Variants in DCD observed in about 807,000 individuals in gnomAD.
The protein encoded by DCD is dermcidin.
Under a neutral mutation model 14.5 loss-of-function variants are expected in DCD, and 17 were observed. That is an observed-to-expected ratio of 1.18 (90% CI 0.81 to 1.76). The LOEUF is 1.76. Among genes scored for constraint, DCD ranks in the 40% most tolerant of loss-of-function variants. DCD has a pLI of 0.00. For missense variants in DCD, 139 were observed against 133.4 expected (o/e 1.04, Z -0.21); for synonymous variants, 64 against 54.0 (o/e 1.19, Z -0.82).
intron 3 of DCD, 98 bp from the exon 4 acceptor site, chr12:54,645,360 A>T: frequency 8.0e-7 from 1 of 1,250,030 alleles, no homozygotes; most frequent in South Asian, 1.2e-5. Context: ...GGCACCCCTA[A>T]GGTGAAGTGG....
At chr12:54,646,626 A>T (rs1958263370) in intron 2 of DCD, among the ~76,000 whole-genome samples, 1 of 152,148 alleles carries the variant, frequency 6.6e-6, no homozygotes, top group African/African-American at 2.4e-5. Flanking sequence ...ATGCTGTCTG[A>T]TGAAACAAAT....
intron 2 of DCD, 108 bp from the exon 3 acceptor site, chr12:54,645,815 C>G (rs1958256105): frequency 2.5e-6 from 2 of 806,110 alleles, no homozygotes; most frequent in South Asian, 1.6e-5. Context: ...GAGGATAGCT[C>G]CCTCTCTCCC....
At chr12:54,645,091 G>A in intron 4 of DCD, 82 bp downstream of exon 4, 5 of 1,521,564 alleles carry the variant, frequency 3.3e-6, no homozygotes, top group East Asian at 2.3e-5. Flanking sequence ...TCTTCAATGG[G>A]GGGGCTGTGG....
At chr12:54,645,917 C>T (rs749069159) in intron 2 of DCD, 7 of 582,778 alleles carry the variant, frequency 1.2e-5, no homozygotes, top group Non-Finnish European at 1.9e-5. Context: ...TCCTGCTCCT[C>T]CAGGGCCCTT....
At position 54,645,712 on chromosome 12, in the gene DCD, A is replaced by G; in HGVS notation, c.98-5T>C. The G allele has an allele frequency of 6.2e-7, 1 of 1,612,972 alleles. No individual in the cohort carries two copies. Among genetic ancestry groups the G allele is most frequent in the African/African-American group, 1.3e-5 (1 of 75,006 alleles). ...CTGCTGATGCTTCATGGCAAGCTGC[A>G]AGGGTAAGGGAGTGAGAGGAATAAT... On this transcript the variant is annotated splice_region_variant and splice_polypyrimidine_tract_variant and intron_variant, in intron 2 of 4. Transcript: ENST00000293371.
intron 1 of DCD, among the ~76,000 whole-genome samples, chr12:54,647,684 A>G (rs1024775957): frequency 6.6e-6 from 1 of 152,206 alleles, no homozygotes; most frequent in Admixed American, 6.5e-5. Context: ...CTGACAGTCA[A>G]TGGGGGATTT....
intron 4 of DCD, 69 bp downstream of exon 4, chr12:54,645,104 G>T: frequency 6.4e-7 from 1 of 1,556,086 alleles, no homozygotes; most frequent in Non-Finnish European, 8.9e-7. Flanking sequence ...GGCTGTGGCA[G>T]TTTCAGATCT....
At position 54,644,681 on chromosome 12, in the gene DCD, C is replaced by G. The variant is rs778115220; in HGVS notation, c.*32G>C. 1.4e-6 allele frequency: 2 copies of G among 1,398,876 alleles called. No homozygotes were observed. The highest frequency in any genetic ancestry group is 2.0e-6 in the Non-Finnish European group (2 of 994,430). 86.7% of individuals were successfully genotyped at this position (1,398,876 alleles called of 1,614,324 possible). ...GGCTGAAGACGTAAAGCCTGCTGCT[C>G]CTGGGTATCATTTCTCAGCTTCTCC... On this transcript the variant is annotated 3_prime_UTR_variant, in exon 5 of 5. Coordinates refer to ENST00000293371, the MANE Select transcript of DCD (RefSeq NM_053283.4).
At chr12:54,648,190 A>C in intron 1 of DCD, 56 bp downstream of exon 1, 82 of 1,530,430 alleles carry the variant, frequency 5.4e-5, no homozygotes, top group Non-Finnish European at 6.3e-5. Context: ...AAATGAAGGC[A>C]GGGCCCAGTC....
rs1034126830 is a variant in DCD at position 54,645,292 on chromosome 12, T to C, written c.200-30A>G. On this transcript the variant is annotated intron_variant, in intron 3 of 4. Coordinates refer to ENST00000293371, the MANE Select transcript of DCD (RefSeq NM_053283.4). ...GGTGGATTCAGAAAAGAAGAGGTCA[T>C]AGAAGCAGAAAAACTACTTCCTTTG... 6 of 1,603,096 alleles carry C rather than the reference T, an allele frequency of 3.7e-6. No homozygotes were observed. In the African/African-American group the frequency reaches 4.0e-5, roughly 11 times the overall value.
chr12:54,644,965 G>A (rs1457907521), intron 4 of DCD: 35 of 1,546,666 alleles, frequency 2.3e-5, no homozygotes, highest in Non-Finnish European at 3.0e-5. Flanking sequence ...GGGGCAGGGG[G>A]CAAGAGCAAT....
chr12:54,647,122 G>A lies in DCD; in HGVS notation c.96C>T (p.Asn32=). ...GCAGGAGGAAGAGAAAGGACTCACG[G>A]TTCCCCGATCCTGGGGCAGAGGCGG... The part of the protein sequence containing the change: ...PEAASAPGSG[N]PCHEASAAQK... Residue 32 remains asparagine, a splice_region_variant and synonymous_variant, in exon 2 of 5, where the codon AAC becomes AAT. Transcript: ENST00000293371. The A allele has an allele frequency of 6.4e-7, 1 of 1,558,664 alleles. No individual in the cohort carries two copies. The highest frequency in any genetic ancestry group is 8.7e-7 in the Non-Finnish European group (1 of 1,150,424).
In DCD at chr12:54,644,670, A is replaced by T; in HGVS notation, c.*43T>A. On this transcript the variant is annotated 3_prime_UTR_variant, in exon 5 of 5. Transcript: ENST00000293371. The stretch of plus-strand genomic sequence containing the variant: ...TTTAGGTTTTAGGCTGAAGACGTAA[A>T]GCCTGCTGCTCCTGGGTATCATTTC... 1 of 1,330,088 alleles carries T rather than the reference A, an allele frequency of 7.5e-7. No homozygotes were observed. Among genetic ancestry groups the T allele is most frequent in the Non-Finnish European group, 1.1e-6 (1 of 934,666 alleles). The allele number at this position is 1,330,088 out of a possible 1,614,324, so 82.4% of individuals were successfully genotyped here.
In DCD at chr12:54,644,876, G is replaced by A. The variant is rs938273257; in HGVS notation, c.290-120C>T. 3.2e-6 allele frequency: 5 copies of A among 1,550,944 alleles called. No individual in the cohort carries two copies. In the African/African-American group the frequency reaches 5.5e-5, roughly 17 times the overall value. On this transcript the variant is annotated intron_variant, in intron 4 of 4. Coordinates refer to ENST00000293371, the MANE Select transcript of DCD (RefSeq NM_053283.4). ...GGGGAAGGGGAAGGGAGGCCTGGAGGTGCTTACACAGAAGTCAGAGGGATG... is the reference window on the plus strand; with the variant it reads ...GGGGAAGGGGAAGGGAGGCCTGGAGATGCTTACACAGAAGTCAGAGGGATG...
intron 4 of DCD, 55 bp downstream of exon 4, chr12:54,645,118 G>T: frequency 6.3e-7 from 1 of 1,578,822 alleles, no homozygotes; most frequent in Non-Finnish European, 8.7e-7. Context: ...CAGATCTCAT[G>T]CAAGGGGTGG....
intron 3 of DCD, 74 bp downstream of exon 3, chr12:54,645,532 G>T (rs1958252260): frequency 7.3e-7 from 1 of 1,363,578 alleles, no homozygotes; most frequent in Non-Finnish European, 1.0e-6. Context: ...TGCCTGTGAG[G>T]GCAGACTGGC....
intron 2 of DCD, chr12:54,646,116 G>A (rs994153824): frequency 6.6e-6 from 3 of 456,828 alleles, no homozygotes; most frequent in African/African-American, 4.0e-5. Flanking sequence ...TCTCTGAAGG[G>A]GGCTTCTGTA....
In DCD at chr12:54,644,657, GCTGAAGACGTAAAGC is replaced by G; in HGVS notation, c.*41_*55del. On this transcript the variant is annotated 3_prime_UTR_variant, in exon 5 of 5. Coordinates refer to ENST00000293371, the MANE Select transcript of DCD (RefSeq NM_053283.4). Reference sequence around the variant, plus strand: ...TTTTTTTTTTTTTTTTAGGTTTTAGGCTGAAGACGTAAAGCCTGCTGCTCCTGGGTATCATTTCTC... The same window carrying G: ...TTTTTTTTTTTTTTTTAGGTTTTAGGCTGCTGCTCCTGGGTATCATTTCTC... 1 of 1,124,806 alleles carries G rather than the reference GCTGAAGACGTAAAGC, an allele frequency of 8.9e-7. No individual in the cohort carries two copies. Among genetic ancestry groups the G allele is most frequent in the Non-Finnish European group, 1.3e-6 (1 of 775,656 alleles). 69.7% of individuals were successfully genotyped at this position (1,124,806 alleles called of 1,614,324 possible). A position where few individuals can be genotyped will look rare whatever the true frequency, so the allele number is the denominator to read the frequency against.
chr12:54,647,049 T>C, intron 2 of DCD, 72 bp downstream of exon 2: 1 of 1,483,442 alleles, frequency 6.7e-7, no homozygotes, highest in South Asian at 1.3e-5. Context: ...CTTCTCTGAC[T>C]TCCTCCACTC....
Sources: gnomAD v4.1 joint callset for allele counts (sites outside exome capture counted in the v4.1 genomes callset) on GRCh38, gnomAD v4.1.1 for gene constraint, MANE v1.5 for transcripts, NCBI Gene and HGNC (gene_info 2026-07-23, HGNC 2026-07-21) for gene names.